Variants in CDH8 observed in about 807,000 individuals in gnomAD.
CDH8 encodes the protein cadherin 8.
CDH8 carries 17 observed loss-of-function variants against 68.1 expected under a neutral mutation model. The ratio of observed to expected loss-of-function variants is 0.25; its 90% CI spans 0.17 to 0.37. The LOEUF (loss-of-function observed/expected upper bound fraction) is 0.37, where lower values mean the gene tolerates loss of function less well. Ranked by LOEUF, CDH8 falls within the 10% of genes least tolerant of loss-of-function variation. The pLI is 1.00. For synonymous variants in CDH8, 372 were observed against 365.1 expected, an observed-to-expected ratio of 1.02 and a Z score of -0.21; for missense variants, 763 against 999.3, an observed-to-expected ratio of 0.76 and a Z score of 3.19.
chr16:61,973,952 C>T (rs1965390221), intron 2 of CDH8, among the ~76,000 whole-genome samples: 1 of 152,302 alleles, frequency 6.6e-6, no homozygotes, highest in South Asian at 2.1e-4. Flanking sequence ...TCAGACTCAT[C>T]ATCTAGTGAT....
chr16:61,854,441 C>T (rs147679113), intron 4 of CDH8, among the ~76,000 whole-genome samples: 200 of 152,108 alleles, frequency 1.3e-3, no homozygotes, highest in African/African-American at 4.7e-3. Context: ...ATCTACATTG[C>T]CTTATACTGC....
At chr16:61,749,191 C>T (rs1960097616) in intron 8 of CDH8, among the ~76,000 whole-genome samples, 1 of 151,690 alleles carries the variant, frequency 6.6e-6, no homozygotes, top group Non-Finnish European at 1.5e-5. Flanking sequence ...AGTTTGGAAC[C>T]CAGGAACTTT....
rs1963329508 is a variant in CDH8 at position 61,651,813 on chromosome 16, C to G, written c.*1795G>C. 1 of 152,360 alleles carries G rather than the reference C, an allele frequency of 6.6e-6. No homozygotes were observed. The highest frequency in any genetic ancestry group is 1.5e-5 in the Non-Finnish European group (1 of 68,260). The allele number at this position is 152,360 out of a possible 1,614,324, so 9.4% of individuals were successfully genotyped here. ...ACTAGCCTTTAGGTGTTCCATGTTC[C>G]TCTTATGTCCCTGCTGGTATCTTGC... is the stretch of plus-strand genomic sequence containing the variant. On this transcript the variant is annotated 3_prime_UTR_variant, in exon 12 of 12. Coordinates refer to ENST00000577390, the MANE Select transcript of CDH8 (RefSeq NM_001796.5).
At chr16:61,967,097 A>T (rs7198633) in intron 2 of CDH8, among the ~76,000 whole-genome samples, 3,312 of 152,256 alleles carry the variant, frequency 0.022, 132 homozygotes, top group African/African-American at 0.076. Context: ...GCTACTCAGG[A>T]GGCTGGGACG....
intron 8 of CDH8, among the ~76,000 whole-genome samples, chr16:61,765,434 A>T (rs1261507752): frequency 6.6e-6 from 1 of 151,988 alleles, no homozygotes; most frequent in Non-Finnish European, 1.5e-5. Context: ...ATTCATCAAA[A>T]TTAGTTGAGA....
intron 10 of CDH8, among the ~76,000 whole-genome samples, chr16:61,702,730 G>C (rs965090377): frequency 6.6e-6 from 1 of 152,168 alleles, no homozygotes; most frequent in African/African-American, 2.4e-5. Context: ...AATAAAATAA[G>C]AACAGTCTTA....
chr16:61,684,950 A>G, intron 10 of CDH8, among the ~76,000 whole-genome samples: 1 of 151,948 alleles, frequency 6.6e-6, no homozygotes, highest in East Asian at 1.9e-4. Context: ...CTCTCTCTGC[A>G]TAGGAGTGGA....
chr16:61,765,627 T>C (rs1200197475), intron 8 of CDH8, among the ~76,000 whole-genome samples: 2 of 152,076 alleles, frequency 1.3e-5, no homozygotes, highest in African/African-American at 2.4e-5. Context: ...CTCTGGGCTT[T>C]AACTACAGTA....
chr16:61,960,119 ATG>A (rs56181239), intron 2 of CDH8, among the ~76,000 whole-genome samples: 668 of 12,192 alleles, frequency 0.055, 176 homozygotes, highest in South Asian at 0.15. Context: ...ATATATACAT[ATG>A]TGTGTGTGTA....
intron 8 of CDH8, among the ~76,000 whole-genome samples, chr16:61,782,240 C>T (rs1488472527): frequency 1.3e-5 from 2 of 152,054 alleles, no homozygotes; most frequent in Admixed American, 6.5e-5. Flanking sequence ...GCGCACCGTC[C>T]GCGAGCCGAA....
At chr16:61,912,794 T>C (rs1964181828) in intron 2 of CDH8, among the ~76,000 whole-genome samples, 1 of 152,120 alleles carries the variant, frequency 6.6e-6, no homozygotes, top group African/African-American at 2.4e-5. Flanking sequence ...CAGATTATCC[T>C]ACAGATAATA....
chr16:61,697,240 G>A (rs1390019226), intron 10 of CDH8, among the ~76,000 whole-genome samples: 1 of 152,110 alleles, frequency 6.6e-6, no homozygotes, highest in Admixed American at 6.5e-5. Flanking sequence ...CAATGGGCAT[G>A]TGGGTTGGTT....
intron 2 of CDH8, among the ~76,000 whole-genome samples, chr16:62,007,930 T>C (rs1901711291): frequency 6.6e-6 from 1 of 152,014 alleles, no homozygotes; most frequent in Non-Finnish European, 1.5e-5. Flanking sequence ...CTAGGCTCCT[T>C]TTTTAAAATT....
At position 61,704,824 on chromosome 16, in the gene CDH8, A is replaced by T. The variant is rs377081952; in HGVS notation, c.1654+9017T>A. 7.2e-5 allele frequency among the ~76,000 whole-genome samples: 11 copies of T among 152,304 alleles called. No individual in the cohort carries two copies. In the East Asian group the frequency reaches 1.2e-3, roughly 16 times the overall value. On this transcript the variant is annotated intron_variant, in intron 10 of 11. Coordinates refer to ENST00000577390, the MANE Select transcript of CDH8 (RefSeq NM_001796.5). ...ATGAGCCTTTAGCTCCCTAGCATGA[A>T]CCCACTCATTTTGTAAGAGAAAAAA...
intron 2 of CDH8, among the ~76,000 whole-genome samples, chr16:61,936,262 C>T (rs1964625486): frequency 6.6e-6 from 1 of 151,938 alleles, no homozygotes; most frequent in African/African-American, 2.4e-5. Context: ...AAAAAAATAG[C>T]ATCTGAGAAA....
chr16:61,731,406 G>A (rs1044676399), intron 8 of CDH8, among the ~76,000 whole-genome samples: 1 of 151,634 alleles, frequency 6.6e-6, no homozygotes, highest in Non-Finnish European at 1.5e-5. Context: ...TATGACCTAG[G>A]ACGCTTTTGA....
intron 10 of CDH8, among the ~76,000 whole-genome samples, chr16:61,669,795 G>T (rs1321089508): frequency 6.6e-6 from 1 of 151,986 alleles, no homozygotes; most frequent in Non-Finnish European, 1.5e-5. Flanking sequence ...AAGCTAGTTT[G>T]TTACCGGGAC....
At chr16:61,820,300 G>C (rs962462306) in intron 6 of CDH8, among the ~76,000 whole-genome samples, 2 of 122,000 alleles carry the variant, frequency 1.6e-5, no homozygotes, top group Non-Finnish European at 3.3e-5. Context: ...GAACCTGAAT[G>C]TTCTGCCTGT....
chr16:61,899,291 A>G (rs935129486), intron 3 of CDH8, among the ~76,000 whole-genome samples: 5 of 152,134 alleles, frequency 3.3e-5, no homozygotes, highest in Admixed American at 2.0e-4. Flanking sequence ...AGCCATGTAC[A>G]TAGTTTGATT....
Sources: allele counts gnomAD v4.1 joint callset (sites outside exome capture counted in the v4.1 genomes callset), GRCh38; gene constraint gnomAD v4.1.1; transcripts MANE v1.5; gene names NCBI Gene and HGNC (gene_info 2026-07-23, HGNC 2026-07-21).